The following DACH1 variants were observed in gnomAD, a reference collection of about 807,000 sequenced individuals.
DACH1 encodes the protein dachshund homolog 1.
A neutral mutation model predicts 54.2 loss-of-function variants in DACH1; 12 were observed. The ratio of observed to expected loss-of-function variants is 0.22; its 90% CI spans 0.14 to 0.36. DACH1 has a LOEUF of 0.36. Ranked by LOEUF, DACH1 falls within the 10% of genes least tolerant of loss-of-function variation. The pLI, the probability that DACH1 is intolerant of heterozygous loss-of-function variation, is 1.00. For synonymous variants in DACH1, 386 were observed against 366.2 expected, an observed-to-expected ratio of 1.05 and a Z score of -0.62; for missense variants, 805 against 929.8, an observed-to-expected ratio of 0.87 and a Z score of 1.75.
At chr13:71,841,268 A>G (rs555398570) in intron 1 of DACH1, among the ~76,000 whole-genome samples, 1 of 152,304 alleles carries the variant, frequency 6.6e-6, no homozygotes, top group East Asian at 1.9e-4. Flanking sequence ...GCAACTCAAA[A>G]GAGAACTTTA....
At chr13:71,827,636 TAA>T (rs1385789073) in intron 1 of DACH1, among the ~76,000 whole-genome samples, 2 of 152,066 alleles carry the variant, frequency 1.3e-5, no homozygotes, top group Non-Finnish European at 2.9e-5. Flanking sequence ...CGCTCCTTAT[TAA>T]GTTTATAAAA....
chr13:71,453,303 T>C (rs1367058958), intron 10 of DACH1, among the ~76,000 whole-genome samples: 1 of 152,180 alleles, frequency 6.6e-6, no homozygotes, highest in Non-Finnish European at 1.5e-5. Context: ...AAGTAATGAA[T>C]GGACATATTA....
At chr13:71,453,813 G>C (rs893966261) in intron 10 of DACH1, among the ~76,000 whole-genome samples, 3 of 152,110 alleles carry the variant, frequency 2.0e-5, no homozygotes, top group Non-Finnish European at 4.4e-5. Flanking sequence ...CAATGAAAGA[G>C]CTCTCAAAAC....
chr13:71,779,264 T>TATATATAC (rs1886258232), intron 1 of DACH1, among the ~76,000 whole-genome samples: 2 of 62,140 alleles, frequency 3.2e-5, no homozygotes, highest in African/African-American at 2.1e-4. Context: ...CGTATATATG[T>TATATATAC]GTATATATAC....
intron 1 of DACH1, among the ~76,000 whole-genome samples, chr13:71,798,323 CATATATATATATATATAT>C (rs35310464): frequency 0.042 from 4,036 of 96,534 alleles, 245 homozygotes; most frequent in African/African-American, 0.14. Context: ...TTGTTACATA[CATATATATATATATATAT>C]ATATATATAT....
In DACH1 at chr13:71,450,169, C is replaced by CTT. The variant is rs11379542; in HGVS notation, c.2084-9479_2084-9478dup. Among the ~76,000 whole-genome samples, 820 of 141,214 alleles carry CTT rather than the reference C, an allele frequency of 5.8e-3. 4 individuals are homozygous for CTT. Among genetic ancestry groups the CTT allele is most frequent in the African/African-American group, 0.012 (447 of 38,472 alleles). 92.6% of individuals were successfully genotyped at this position (141,214 alleles called of 152,430 possible). A position where few individuals can be genotyped will look rare whatever the true frequency, so the allele number is the denominator to read the frequency against. ...TTCATTTTATTGTGGGACACAGATA[C>CTT]TTTTTTTTTTTTTTTGGTTTTTTGT... On this transcript the variant is annotated intron_variant, in intron 10 of 10. Coordinates refer to ENST00000613252, the MANE Select transcript of DACH1 (RefSeq NM_080759.6).
Position 71,646,861 on chromosome 13 carries a change from T to C in DACH1, c.965-16144A>G, listed in dbSNP as rs114976609. ...ATTAAACTCTGAAAGACAATTGCAA[T>C]AAAATATCCATTTAATTGTGGATTC... On this transcript the variant is annotated intron_variant, in intron 2 of 10. Coordinates refer to ENST00000613252, the MANE Select transcript of DACH1 (RefSeq NM_080759.6). Among the ~76,000 whole-genome samples the C allele has an allele frequency of 4.4e-3, 666 of 152,310 alleles. 7 individuals are homozygous for C. The highest frequency in any genetic ancestry group is 0.015 in the African/African-American group (636 of 41,578).
intron 1 of DACH1, among the ~76,000 whole-genome samples, chr13:71,843,508 G>T (rs577355294): frequency 2.4e-4 from 37 of 152,134 alleles, no homozygotes; most frequent in African/African-American, 6.0e-4. Flanking sequence ...CAAACAGTCT[G>T]CCCAGCTCAA....
intron 6 of DACH1, among the ~76,000 whole-genome samples, chr13:71,507,192 CA>C (rs1880404337): frequency 6.6e-6 from 1 of 152,136 alleles, no homozygotes; most frequent in Non-Finnish European, 1.5e-5. Context: ...TCTATCCATG[CA>C]GTAGTGACAG....
chr13:71,804,382 C>T (rs930932273), intron 1 of DACH1, among the ~76,000 whole-genome samples: 4 of 152,052 alleles, frequency 2.6e-5, no homozygotes, highest in Non-Finnish European at 4.4e-5. Flanking sequence ...CAAGACATTC[C>T]TCCCCATCAT....
intron 6 of DACH1, 92 bp from the exon 7 acceptor site, chr13:71,489,240 A>G: frequency 7.2e-7 from 1 of 1,386,942 alleles, no homozygotes; most frequent in Non-Finnish European, 9.8e-7. Context: ...TTTCCAGAAC[A>G]TTTATTGCAA....
intron 3 of DACH1, among the ~76,000 whole-genome samples, chr13:71,588,044 C>T (rs567174906): frequency 4.6e-5 from 7 of 152,104 alleles, no homozygotes; most frequent in Admixed American, 3.3e-4. Context: ...ATAACTTTAG[C>T]GATTAATTTT....
Position 71,866,577 on chromosome 13 carries a change from C to G in DACH1, c.193G>C (p.Ala65Pro), listed in dbSNP as rs1593669179. ...FRPEPIASAA[A>P]AAATVTSTGG... ...GTAGAGGTGACTGTGGCCGCCGCCGCCGCCGCCGAAGCGATGGGCTCCGGG... is the reference window on the plus strand; with the variant it reads ...GTAGAGGTGACTGTGGCCGCCGCCGGCGCCGCCGAAGCGATGGGCTCCGGG... The change falls in exon 1 of 11, where the codon GCG (alanine) becomes CCG (proline). Residue 65 changes from alanine (A) to proline (P), a missense_variant. Ala to Pro is a conservative substitution (Grantham distance 27, BLOSUM62 -1). Around this residue, in one of 3 missense-constraint regions of DACH1, gnomAD observed 305 missense variants for 308.7 expected, o/e 0.99. Transcript: ENST00000613252. The G allele has an allele frequency of 2.2e-5, 28 of 1,282,194 alleles. No individual in the cohort carries two copies. Among genetic ancestry groups the G allele is most frequent in the Non-Finnish European group, 2.8e-5 (28 of 1,011,708 alleles). 79.4% of individuals were successfully genotyped at this position (1,282,194 alleles called of 1,614,324 possible).
chr13:71,818,780 A>C (rs1319706536), intron 1 of DACH1, among the ~76,000 whole-genome samples: 1 of 152,218 alleles, frequency 6.6e-6, no homozygotes, highest in African/African-American at 2.4e-5. Context: ...TCTCCTTTGG[A>C]GTGTGGACAA....
chr13:71,551,109 T>G (rs1218848274), intron 6 of DACH1, among the ~76,000 whole-genome samples: 1 of 152,100 alleles, frequency 6.6e-6, no homozygotes, highest in South Asian at 2.1e-4. Flanking sequence ...TTAGTATTGA[T>G]TAATTTGAAT....
intron 1 of DACH1, among the ~76,000 whole-genome samples, chr13:71,736,786 G>C (rs1332150996): frequency 6.6e-6 from 1 of 152,130 alleles, no homozygotes; most frequent in African/African-American, 2.4e-5. Flanking sequence ...GCATCTATTT[G>C]ATAAATAGTT....
In DACH1 at chr13:71,810,960, A is replaced by G. The variant is rs553052455; in HGVS notation, c.848+54962T>C. On this transcript the variant is annotated intron_variant, in intron 1 of 10. Coordinates refer to ENST00000613252, the MANE Select transcript of DACH1 (RefSeq NM_080759.6). ...TACCAATATCCCAGCTCAACAGGAA[A>G]ATCAGCATAGAGAGGCATTCTACTG... Among the ~76,000 whole-genome samples, 13 of 152,250 alleles carry G rather than the reference A, an allele frequency of 8.5e-5. No homozygotes were observed. In the East Asian group the frequency reaches 9.6e-4, roughly 11 times the overall value.
intron 1 of DACH1, among the ~76,000 whole-genome samples, chr13:71,768,253 T>C (rs1885716941): frequency 6.6e-6 from 1 of 151,882 alleles, no homozygotes; most frequent in Non-Finnish European, 1.5e-5. Context: ...CAAAGATGAC[T>C]CATAGATTAC....
chr13:71,519,907 A>ATATATATATATATATATATATATC (rs1248149525), intron 6 of DACH1, among the ~76,000 whole-genome samples: 34 of 137,620 alleles, frequency 2.5e-4, no homozygotes, highest in Non-Finnish European at 4.8e-4. Context: ...ATATATATAT[A>ATATATATATATATATATATATATC]TCCTAACTAA....
Sources: allele counts gnomAD v4.1 joint callset (sites outside exome capture counted in the v4.1 genomes callset), GRCh38; gene constraint gnomAD v4.1.1; regional missense constraint gnomAD v4.1.1; transcripts MANE v1.5; gene names NCBI Gene and HGNC (gene_info 2026-07-23, HGNC 2026-07-21).